PTPRE: variants seen among roughly 807,000 people sequenced by gnomAD.
PTPRE encodes the protein protein tyrosine phosphatase receptor type E.
In PTPRE, 51 loss-of-function variants were observed where a neutral mutation model predicts 102.0. The observed-to-expected ratio is 0.50, with a 90% CI of 0.40 to 0.63. The LOEUF is 0.63. Among genes scored for constraint, PTPRE ranks in the 30% least tolerant of loss-of-function variants. The pLI, the probability that PTPRE is intolerant of heterozygous loss-of-function variation, is 0.00. For missense variants in PTPRE, 752 were observed against 915.1 expected, an observed-to-expected ratio of 0.82 and a Z score of 2.30; for synonymous variants, 345 against 348.2, an observed-to-expected ratio of 0.99 and a Z score of 0.10.
chr10:128,079,701 A>G lies in PTPRE; in HGVS notation c.2028+6A>G, dbSNP rs1322950141. ...CACATATGGTGCAAACCCTGGTAAGAATCTGAATAAGGATGTTACCAGAAG... is the reference window on the plus strand; with the variant it reads ...CACATATGGTGCAAACCCTGGTAAGGATCTGAATAAGGATGTTACCAGAAG... On this transcript the variant is annotated splice_donor_region_variant and intron_variant, in intron 20 of 20. Coordinates refer to ENST00000254667, the MANE Select transcript of PTPRE (RefSeq NM_006504.6). The G allele has an allele frequency of 6.2e-7, 1 of 1,610,224 alleles. No homozygotes were observed. Among genetic ancestry groups the G allele is most frequent in the Admixed American group, 1.7e-5 (1 of 59,832 alleles).
At chr10:127,915,068 A>G (rs965673337) in intron 1 of PTPRE, among the ~76,000 whole-genome samples, 4 of 152,238 alleles carry the variant, frequency 2.6e-5, no homozygotes, top group Non-Finnish European at 5.9e-5. Context: ...ATCCAGGCCA[A>G]CAAAACGTTG....
chr10:127,948,323 C>A (rs560193297), intron 1 of PTPRE, among the ~76,000 whole-genome samples: 1 of 152,166 alleles, frequency 6.6e-6, no homozygotes, highest in Non-Finnish European at 1.5e-5. Flanking sequence ...CTTAACCCTA[C>A]ACACACACAG....
At chr10:127,956,748 C>T (rs1033212939) in intron 1 of PTPRE, among the ~76,000 whole-genome samples, 5 of 152,098 alleles carry the variant, frequency 3.3e-5, no homozygotes, top group Admixed American at 1.3e-4. Context: ...GTCAGTGTTC[C>T]GGATTTTGGC....
At chr10:128,039,720 G>T (rs747311793) in intron 2 of PTPRE, among the ~76,000 whole-genome samples, 1 of 152,048 alleles carries the variant, frequency 6.6e-6, no homozygotes, top group Non-Finnish European at 1.5e-5. Flanking sequence ...GCATCCCTGA[G>T]GGAGGCCTCA....
chr10:128,067,201 TACACCC>T (rs1850252120), intron 11 of PTPRE, among the ~76,000 whole-genome samples: 12 of 94,438 alleles, frequency 1.3e-4, no homozygotes, highest in Non-Finnish European at 4.4e-5. Context: ...TGCACACACA[TACACCC>T]ACACACATTC....
chr10:128,082,157 T>A (rs1341960305), intron 20 of PTPRE, among the ~76,000 whole-genome samples: 1 of 151,744 alleles, frequency 6.6e-6, no homozygotes, highest in Non-Finnish European at 1.5e-5. Context: ...TTTATGAAAT[T>A]TATCTGGCAA....
chr10:128,021,714 C>T (rs557553594), intron 2 of PTPRE, among the ~76,000 whole-genome samples: 6 of 152,326 alleles, frequency 3.9e-5, no homozygotes, highest in African/African-American at 7.2e-5. Context: ...GACTGTGCCC[C>T]GGAGTCTCAC....
At chr10:127,995,564 A>G (rs1853165240) in intron 2 of PTPRE, among the ~76,000 whole-genome samples, 1 of 152,206 alleles carries the variant, frequency 6.6e-6, no homozygotes, top group South Asian at 2.1e-4. Context: ...AGAATTGGAT[A>G]GCATCCAAGC....
rs539170987 is a variant in PTPRE, at chr10:127,990,275, G to A, written c.-8+7979G>A. Among the ~76,000 whole-genome samples, 125 of 152,022 alleles carry A rather than the reference G, an allele frequency of 8.2e-4. 1 individual carries two copies. Among genetic ancestry groups the A allele is most frequent in the Admixed American group, 4.6e-3 (70 of 15,270 alleles). ...AAAAATACAAAAATTAGCCAGGCAT[G>A]GTGGCACGTGCCTGTAATCTCAGCT... is the stretch of plus-strand genomic sequence containing the variant. On this transcript the variant is annotated intron_variant, in intron 2 of 20. Coordinates refer to ENST00000254667, the MANE Select transcript of PTPRE (RefSeq NM_006504.6).
intron 1 of PTPRE, among the ~76,000 whole-genome samples, chr10:127,939,763 GAGGCAGGTGTGGGCAGGTGC>G (rs1848087253): frequency 6.6e-6 from 1 of 152,130 alleles, no homozygotes; most frequent in South Asian, 2.1e-4. Context: ...GAGGCAGGAG[GAGGCAGGTGTGGGCAGGTGC>G]AGGCAGATGT....
intron 2 of PTPRE, among the ~76,000 whole-genome samples, chr10:127,992,641 G>C (rs544934879): frequency 6.6e-6 from 1 of 152,136 alleles, no homozygotes; most frequent in East Asian, 1.9e-4. Flanking sequence ...CGCAGGCCTG[G>C]AGCCTCTCCT....
chr10:128,055,176 C>T lies in PTPRE; in HGVS notation c.421-947C>T, dbSNP rs372325976. Among the ~76,000 whole-genome samples the T allele has an allele frequency of 4.6e-5, 7 of 152,268 alleles. No individual in the cohort carries two copies. The South Asian group carries it at 6.2e-4, about 14-fold the overall frequency. Reference sequence around the variant, plus strand: ...GAATCCCAGTGGCCCCGGGTCCAGCCGCTGGTCGGGTGTAATGTCAAAGGA... The same window carrying T: ...GAATCCCAGTGGCCCCGGGTCCAGCTGCTGGTCGGGTGTAATGTCAAAGGA... On this transcript the variant is annotated intron_variant, in intron 6 of 20. Coordinates refer to ENST00000254667, the MANE Select transcript of PTPRE (RefSeq NM_006504.6).
At chr10:128,043,751 T>C (rs1283706257) in intron 3 of PTPRE, among the ~76,000 whole-genome samples, 1 of 152,192 alleles carries the variant, frequency 6.6e-6, no homozygotes, top group Non-Finnish European at 1.5e-5. Context: ...TAAATGTCCA[T>C]CCTATTTTGG....
At position 127,928,294 on chromosome 10, in the gene PTPRE, G is replaced by T. The variant is rs180872974; in HGVS notation, c.-31+20985G>T. On this transcript the variant is annotated intron_variant, in intron 1 of 20. Coordinates refer to ENST00000254667, the MANE Select transcript of PTPRE (RefSeq NM_006504.6). ...TGATGAGTTTCTGTTTTGTTTATCT[G>T]GTCATCTCTGTGCCCTTGTTTCCTG... Among the ~76,000 whole-genome samples, 397 of 152,280 alleles carry T rather than the reference G, an allele frequency of 2.6e-3. 2 individuals are homozygous for T. Among genetic ancestry groups the T allele is most frequent in the Non-Finnish European group, 3.9e-3 (268 of 68,016 alleles).
rs748700258 is a variant in PTPRE at position 128,047,500 on chromosome 10, C to T, written c.209+11C>T. 20 of 1,613,060 alleles carry T rather than the reference C, an allele frequency of 1.2e-5. No homozygotes were observed. In the Admixed American group the frequency reaches 2.0e-4, roughly 16 times the overall value. ...CGCCTACTTCTTCAGGTAGGAGTGT[C>T]CCGGGGCACTGACTTGCCCCAACCA... is the stretch of plus-strand genomic sequence containing the variant. On this transcript the variant is annotated intron_variant, in intron 4 of 20. Transcript: ENST00000254667.
At chr10:127,975,644 T>C (rs975056606) in intron 1 of PTPRE, among the ~76,000 whole-genome samples, 1 of 152,156 alleles carries the variant, frequency 6.6e-6, no homozygotes, top group African/African-American at 2.4e-5. Context: ...TGATTTAACA[T>C]ATCTGAGTAT....
intron 1 of PTPRE, 30 bp from the exon 2 acceptor site, chr10:127,982,244 C>G: frequency 8.0e-7 from 1 of 1,253,284 alleles, no homozygotes; most frequent in South Asian, 1.3e-5. Flanking sequence ...AACCAGAAAA[C>G]TGACTTTTTT....
At chr10:127,934,822 T>C (rs529599667) in intron 1 of PTPRE, 2 of 152,440 alleles carry the variant, frequency 1.3e-5, no homozygotes, top group East Asian at 3.9e-4. Context: ...ATGACCCTTC[T>C]AGCCATGGAA....
intron 1 of PTPRE, among the ~76,000 whole-genome samples, chr10:127,942,934 G>A (rs370737718): frequency 4.9e-4 from 75 of 152,284 alleles, no homozygotes; most frequent in Middle Eastern, 3.4e-3. Flanking sequence ...TTTCAGGGCC[G>A]CATCTGTTAT....
Sources: allele counts gnomAD v4.1 joint callset (sites outside exome capture counted in the v4.1 genomes callset), GRCh38; gene constraint gnomAD v4.1.1; transcripts MANE v1.5; gene names NCBI Gene and HGNC (gene_info 2026-07-23, HGNC 2026-07-21).